COL6A6: variants seen among roughly 807,000 people sequenced by gnomAD.
COL6A6 encodes the protein collagen alpha-6(VI) chain.
Under a neutral mutation model 208.6 loss-of-function variants are expected in COL6A6, and 183 were observed. The ratio of observed to expected loss-of-function variants is 0.88; its 90% confidence interval spans 0.78 to 0.99. The LOEUF (loss-of-function observed/expected upper bound fraction) is 0.99. Among genes scored for constraint, COL6A6 ranks in the 50% least tolerant of loss-of-function variants. COL6A6 has a pLI of 0.00. For synonymous variants in COL6A6, 973 were observed against 1,011.8 expected, an observed-to-expected ratio of 0.96 and a Z score of 0.73; for missense variants, 2,816 against 2,815.2, an observed-to-expected ratio of 1.00 and a Z score of -0.01.
chr3:130,544,234 T>C (rs2062441125), intron 1 of COL6A6, among the ~76,000 whole-genome samples: 1 of 152,240 alleles, frequency 6.6e-6, no homozygotes, highest in African/African-American at 2.4e-5. Context: ...AGATTCCACA[T>C]ATAAGTAAGA....
intron 32 of COL6A6, among the ~76,000 whole-genome samples, chr3:130,645,267 C>G (rs1331922806): frequency 6.6e-6 from 1 of 152,082 alleles, no homozygotes; most frequent in African/African-American, 2.4e-5. Context: ...TGACTAACAT[C>G]ACCATTCACC....
chr3:130,672,317 G>C (rs1282127369), intron 36 of COL6A6, among the ~76,000 whole-genome samples: 1 of 152,104 alleles, frequency 6.6e-6, no homozygotes, highest in East Asian at 1.9e-4. Flanking sequence ...CAAGCTATTG[G>C]AGTTACCAAT....
intron 20 of COL6A6, among the ~76,000 whole-genome samples, chr3:130,603,915 C>G (rs2064102149): frequency 6.6e-6 from 1 of 152,018 alleles, no homozygotes; most frequent in African/African-American, 2.4e-5. Context: ...GGACTGAGTA[C>G]CCTGTTCTTG....
chr3:130,619,922 G>C (rs1224292814), intron 23 of COL6A6, among the ~76,000 whole-genome samples: 1 of 152,024 alleles, frequency 6.6e-6, no homozygotes, highest in Non-Finnish European at 1.5e-5. Flanking sequence ...CTATTCAATA[G>C]GATGTCCAAT....
At chr3:130,517,131 C>A (rs1471112051), upstream of COL6A6, among the ~76,000 whole-genome samples, 1 of 152,194 alleles carries the variant, frequency 6.6e-6, no homozygotes, top group Non-Finnish European at 1.5e-5. Context: ...GGGTCGGGCC[C>A]GGGGCGGGGA....
intron 31 of COL6A6, 61 bp from the exon 32 acceptor site, chr3:130,644,930 G>A (rs1283188431): frequency 1.3e-5 from 20 of 1,509,704 alleles, no homozygotes; most frequent in Admixed American, 1.7e-5. Context: ...TTTCCTGCAC[G>A]ATACAGAACT....
At chr3:130,620,702 A>G (rs976468653) in intron 23 of COL6A6, among the ~76,000 whole-genome samples, 1 of 152,202 alleles carries the variant, frequency 6.6e-6, no homozygotes, top group Non-Finnish European at 1.5e-5. Context: ...GAAATTTTTT[A>G]TGTCCAATGT....
Position 130,542,898 on chromosome 3 carries a change from C to CTTTTT in COL6A6, c.-31-17414_-31-17410dup, listed in dbSNP as rs56339748. 2.4e-3 allele frequency among the ~76,000 whole-genome samples: 223 copies of CTTTTT among 92,580 alleles called. 6 individuals are homozygous for CTTTTT. Among genetic ancestry groups the CTTTTT allele is most frequent in the African/African-American group, 8.8e-3 (211 of 24,106 alleles). 60.7% of individuals were successfully genotyped at this position (92,580 alleles called of 152,430 possible). A position where few individuals can be genotyped will look rare whatever the true frequency, so the allele number is the denominator to read the frequency against. On this transcript the variant is annotated intron_variant, in intron 1 of 36. Transcript: ENST00000358511. ...GTACATGTTTCTCCATCCATTCACT[C>CTTTTT]TTTTTTTTTTTTTTTTTTTTTTTTT...
chr3:130,651,216 C>T (rs1252175791), intron 33 of COL6A6, among the ~76,000 whole-genome samples: 1 of 151,828 alleles, frequency 6.6e-6, no homozygotes, highest in African/African-American at 2.4e-5. Flanking sequence ...TCACGAGGTC[C>T]AGAGATTGAG....
chr3:130,591,244 T>C, intron 13 of COL6A6, 150 bp downstream of exon 13: 1 of 718,968 alleles, frequency 1.4e-6, no homozygotes, highest in South Asian at 1.7e-5. Context: ...CATTGTGCTT[T>C]GCTTCTGGTG....
At chr3:130,536,007 G>A (rs2062215333) in intron 1 of COL6A6, among the ~76,000 whole-genome samples, 1 of 152,164 alleles carries the variant, frequency 6.6e-6, no homozygotes, top group Admixed American at 6.5e-5. Flanking sequence ...CTAAATGGTA[G>A]CTGATACATA....
At chr3:130,646,561 G>A (rs1434486888) in intron 32 of COL6A6, among the ~76,000 whole-genome samples, 1 of 152,204 alleles carries the variant, frequency 6.6e-6, no homozygotes, top group Non-Finnish European at 1.5e-5. Context: ...GTGATAGTGT[G>A]AGACTCCGTC....
chr3:130,635,460 C>A (rs529896387), intron 27 of COL6A6, among the ~76,000 whole-genome samples: 1 of 152,208 alleles, frequency 6.6e-6, no homozygotes, highest in East Asian at 1.9e-4. Flanking sequence ...GAACAAAGTT[C>A]ATTTCTCCAA....
At chr3:130,612,382 G>T (rs1354196069) in intron 23 of COL6A6, among the ~76,000 whole-genome samples, 1 of 152,086 alleles carries the variant, frequency 6.6e-6, no homozygotes. Context: ...CTGAACTAAT[G>T]TACAGTCCCA....
At position 130,565,005 on chromosome 3, in the gene COL6A6, C is replaced by T. The variant is rs750255005; in HGVS notation, c.673C>T (p.Pro225Ser). 3 of 1,612,600 alleles carry T rather than the reference C, an allele frequency of 1.9e-6. No individual in the cohort carries two copies. The South Asian group carries it at 3.3e-5, about 18-fold the overall frequency. Residue 225 changes from proline (P) to serine (S), a missense_variant, in exon 4 of 37, where the codon CCT becomes TCT. Pro to Ser is a moderately conservative substitution (Grantham distance 74, BLOSUM62 -1). Coordinates refer to ENST00000358511, the MANE Select transcript of COL6A6 (RefSeq NM_001102608.3). Reference sequence around the variant, plus strand: ...TTCTTGCCACACAGCTTGCCAAGGCCCTTCTATGGCCGATGTTGTGTTCCT... The same window carrying T: ...TTCTTGCCACACAGCTTGCCAAGGCTCTTCTATGGCCGATGTTGTGTTCCT... ...DDIFVEACQG[P>S]SMADVVFLLD...
chr3:130,655,007 C>T (rs1056013052), intron 33 of COL6A6, among the ~76,000 whole-genome samples: 2 of 152,088 alleles, frequency 1.3e-5, no homozygotes, highest in African/African-American at 4.8e-5. Context: ...CATTAGTTAT[C>T]AGAAATGCAA....
rs1341657058 is a variant in COL6A6, at chr3:130,649,057, A to G, written c.5240-12A>G. On this transcript the variant is annotated splice_polypyrimidine_tract_variant and intron_variant, in intron 32 of 36. Coordinates refer to ENST00000358511, the MANE Select transcript of COL6A6 (RefSeq NM_001102608.3). ...ATAAGGATGCTATGTGTTAAGGGAT[A>G]TGGTCTTTTAGGAAAACCGGAATGC... The G allele has an allele frequency of 4.6e-6, 7 of 1,537,914 alleles. No individual in the cohort carries two copies. Among genetic ancestry groups the G allele is most frequent in the African/African-American group, 1.4e-5 (1 of 71,602 alleles).
chr3:130,590,286 TATATATATATATA>T (rs1176078400), intron 12 of COL6A6, among the ~76,000 whole-genome samples: 12 of 24,436 alleles, frequency 4.9e-4, no homozygotes, highest in African/African-American at 1.3e-3. Flanking sequence ...TATATATATA[TATATATATATATA>T]TTTTTTTTTT....
At chr3:130,653,795 A>G (rs1175569713) in intron 33 of COL6A6, among the ~76,000 whole-genome samples, 1 of 152,154 alleles carries the variant, frequency 6.6e-6, no homozygotes. Context: ...ATTGACTGAA[A>G]GATTACTTGG....
Sources: allele counts gnomAD v4.1 joint callset (sites outside exome capture counted in the v4.1 genomes callset), GRCh38; gene constraint gnomAD v4.1.1; transcripts MANE v1.5; gene names NCBI Gene and HGNC (gene_info 2026-07-23, HGNC 2026-07-21).